MYEF2: variants seen among roughly 807,000 people sequenced by gnomAD.
The protein encoded by MYEF2 is myelin expression factor 2.
In MYEF2, 37 loss-of-function variants were observed where a neutral mutation model predicts 75.2. That is an observed-to-expected ratio of 0.49 (90% CI 0.38 to 0.65). The LOEUF is 0.65. MYEF2 is among the 30% of genes least tolerant of loss of function. MYEF2 has a pLI of 0.00. For missense variants in MYEF2, 634 were observed against 771.4 expected, an observed-to-expected ratio of 0.82 and a Z score of 2.11; for synonymous variants, 195 against 241.6, an observed-to-expected ratio of 0.81 and a Z score of 1.79.
At chr15:48,158,281 C>G (rs1437711296) in intron 7 of MYEF2, 57 bp from the exon 8 acceptor site, 1 of 1,504,222 alleles carries the variant, frequency 6.6e-7, no homozygotes, top group Non-Finnish European at 9.2e-7. Context: ...TAACAGAACA[C>G]AAACTAATTT....
intron 1 of MYEF2, among the ~76,000 whole-genome samples, chr15:48,177,223 A>G (rs932013942): frequency 1.3e-5 from 2 of 152,198 alleles, no homozygotes; most frequent in Admixed American, 6.5e-5. Flanking sequence ...CAGGACAGGA[A>G]CAAAGGAGAG....
intron 1 of MYEF2, among the ~76,000 whole-genome samples, chr15:48,177,725 A>T (rs569250572): frequency 7.2e-5 from 11 of 152,292 alleles, no homozygotes; most frequent in African/African-American, 2.6e-4. Flanking sequence ...ACTGGTCCTT[A>T]AAGGGGGACC....
intron 1 of MYEF2, among the ~76,000 whole-genome samples, chr15:48,173,059 A>G (rs1252123820): frequency 6.6e-6 from 1 of 152,212 alleles, no homozygotes; most frequent in Non-Finnish European, 1.5e-5. Flanking sequence ...AGAAAATTAC[A>G]GCAATATCCC....
Position 48,167,384 on chromosome 15 carries a change from C to G in MYEF2, c.388G>C (p.Val130Leu), listed in dbSNP as rs138734621. ...CCTTCCGCATCCTTAAAGAGCTCCA[C>G]GTATGTAACCTCACCAACTACATAA... ...MREKVGEVTY[V>L]ELFKDAEGKS... Residue 130 changes from valine (V) to leucine (L), a missense_variant, in exon 3 of 17, where the codon GTG becomes CTG. Val to Leu is a conservative substitution (Grantham distance 32). Coordinates refer to ENST00000324324, the MANE Select transcript of MYEF2 (RefSeq NM_016132.5). 2.5e-6 allele frequency: 4 copies of G among 1,612,908 alleles called. No individual in the cohort carries two copies. The highest frequency in any genetic ancestry group is 3.4e-6 in the Non-Finnish European group (4 of 1,179,128).
Position 48,141,944 on chromosome 15 carries a change from T to C in MYEF2, c.*964A>G. On this transcript the variant is annotated 3_prime_UTR_variant, in exon 17 of 17. Coordinates refer to ENST00000324324, the MANE Select transcript of MYEF2 (RefSeq NM_016132.5). ...TCAAAACGAATCAACAACAAAAAAG[T>C]ATCCAGTGTTTCTTTTCTTATGAAG... 1 of 998,610 alleles carries C rather than the reference T, an allele frequency of 1.0e-6. No homozygotes were observed. The highest frequency in any genetic ancestry group is 1.4e-6 in the Non-Finnish European group (1 of 706,038). The allele number at this position is 998,610 out of a possible 1,614,324, so 61.9% of individuals were successfully genotyped here. A position where few individuals can be genotyped will look rare whatever the true frequency, so the allele number is the denominator to read the frequency against.
chr15:48,170,556 T>A (rs1272560113), intron 1 of MYEF2, among the ~76,000 whole-genome samples: 3 of 152,096 alleles, frequency 2.0e-5, no homozygotes, highest in African/African-American at 7.2e-5. Context: ...GGAATCTAAA[T>A]TTTTTTTAAA....
chr15:48,158,005 G>T lies in MYEF2; in HGVS notation c.973C>A (p.Pro325Thr), dbSNP rs2039768358. The T allele has an allele frequency of 6.2e-7, 1 of 1,612,858 alleles. No homozygotes were observed. Among genetic ancestry groups the T allele is most frequent in the African/African-American group, 1.3e-5 (1 of 74,844 alleles). Reference sequence around the variant, plus strand: ...AGCTTTTACTTACGTGGTAATTGTGGTGTTTTACCATCATGTGAACGGTAC... The same window carrying T: ...AGCTTTTACTTACGTGGTAATTGTGTTGTTTTACCATCATGTGAACGGTAC... ...EEYRSHDGKT[P>T]QLPRGLGGIG... Residue 325 changes from proline (P) to threonine (T), a missense_variant, in exon 9 of 17, where the codon CCA (proline) becomes ACA (threonine). Pro to Thr is a conservative substitution (Grantham distance 38). Transcript: ENST00000324324.
At position 48,142,915 on chromosome 15, in the gene MYEF2, T is replaced by A. The variant is rs778466647; in HGVS notation, c.1796A>T (p.Asn599Ile). The A allele has an allele frequency of 6.3e-7, 1 of 1,591,482 alleles. No homozygotes were observed. The change falls in exon 17 of 17, where the codon AAT (asparagine) becomes ATT (isoleucine). Residue 599 changes from asparagine to isoleucine, a missense_variant. Physicochemically the swap from Asn to Ile is moderately radical, Grantham distance 149. Transcript: ENST00000324324. Reference protein sequence around the residue: ...GREIDVRLDRNA With the variant: ...GREIDVRLDRIA Reference sequence around the variant, plus strand: ...TCCAACCATGGCTTGAAATTATGCATTACGATCCAAGCGAACATCAATTTC... The same window carrying A: ...TCCAACCATGGCTTGAAATTATGCAATACGATCCAAGCGAACATCAATTTC...
chr15:48,137,032 T>G lies in MYEF2; in HGVS notation c.*5876A>C. The G allele has an allele frequency of 1.1e-5, 16 of 1,471,846 alleles. No individual in the cohort carries two copies. Among genetic ancestry groups the G allele is most frequent in the Non-Finnish European group, 1.5e-5 (16 of 1,094,782 alleles). The allele number at this position is 1,471,846 out of a possible 1,614,324, so 91.2% of individuals were successfully genotyped here. A position where few individuals can be genotyped will look rare whatever the true frequency, so the allele number is the denominator to read the frequency against. On this transcript the variant is annotated 3_prime_UTR_variant, in exon 17 of 17. Transcript: ENST00000324324. ...AAAAACTTTAAAATTTCATTTCAAT[T>G]CAGCAAGTATTGTGTGCTTTTTATG...
intron 14 of MYEF2, among the ~76,000 whole-genome samples, chr15:48,150,573 G>T (rs2039454443): frequency 6.6e-6 from 1 of 151,994 alleles, no homozygotes; most frequent in Non-Finnish European, 1.5e-5. Context: ...GGGAGATTCA[G>T]CATTCCCCAG....
chr15:48,147,289 C>A (rs2039320473), intron 16 of MYEF2, among the ~76,000 whole-genome samples: 1 of 151,938 alleles, frequency 6.6e-6, no homozygotes, highest in Admixed American at 6.6e-5. Flanking sequence ...TTGCTCATAT[C>A]TAACCTCAAA....
chr15:48,139,235 A>G lies in MYEF2; in HGVS notation c.*3673T>C. The stretch of plus-strand genomic sequence containing the variant: ...ATATTCATATAAGAACAAATTGCAT[A>G]TGTTCACTCAAAGTAGTCTAGCTAC... On this transcript the variant is annotated 3_prime_UTR_variant, in exon 17 of 17. Transcript: ENST00000324324. The G allele has an allele frequency of 1.4e-6, 2 of 1,397,232 alleles. No homozygotes were observed. 86.6% of individuals were successfully genotyped at this position (1,397,232 alleles called of 1,614,324 possible).
chr15:48,152,383 C>A (rs542408060), intron 10 of MYEF2, 99 bp from the exon 11 acceptor site: 2 of 1,004,228 alleles, frequency 2.0e-6, no homozygotes, highest in East Asian at 2.4e-5. Context: ...ACTGGTATAA[C>A]CACAATGAAA....
At chr15:48,146,126 T>C (rs1401680335) in intron 16 of MYEF2, among the ~76,000 whole-genome samples, 2 of 151,952 alleles carry the variant, frequency 1.3e-5, no homozygotes, top group African/African-American at 4.8e-5. Flanking sequence ...TCTTGCATCA[T>C]ACTGAGCCAG....
At position 48,140,281 on chromosome 15, in the gene MYEF2, T is replaced by C. The variant is rs930168126; in HGVS notation, c.*2627A>G. 3 of 151,812 alleles carry C rather than the reference T, an allele frequency of 2.0e-5. No individual in the cohort carries two copies. Among genetic ancestry groups the C allele is most frequent in the Non-Finnish European group, 4.4e-5 (3 of 67,932 alleles). The allele number at this position is 151,812 out of a possible 1,614,324, so 9.4% of individuals were successfully genotyped here. A position where few individuals can be genotyped will look rare whatever the true frequency, so the allele number is the denominator to read the frequency against. On this transcript the variant is annotated 3_prime_UTR_variant, in exon 17 of 17. Transcript: ENST00000324324. ...CACATATGAATTCTAGCAAAGCCAG[T>C]AACAGAAATTAACAACCAATTCCAA...
rs1313086312 is a variant in MYEF2, at chr15:48,135,100, T to C, written c.*7808A>G. The stretch of plus-strand genomic sequence containing the variant: ...CACTTAATCTGCCACTTCTATACCA[T>C]ATTCCAACAGGTCTGTGAGTTAACC... On this transcript the variant is annotated 3_prime_UTR_variant, in exon 17 of 17. Coordinates refer to ENST00000324324, the MANE Select transcript of MYEF2 (RefSeq NM_016132.5). The C allele has an allele frequency of 5.6e-6, 4 of 710,920 alleles. No homozygotes were observed. In the East Asian group the frequency reaches 1.1e-4, roughly 20 times the overall value. 44.0% of individuals were successfully genotyped at this position (710,920 alleles called of 1,614,324 possible).
In MYEF2 at chr15:48,178,287, C is replaced by T. The variant is rs1214061774; in HGVS notation, c.-50G>A. On this transcript the variant is annotated 5_prime_UTR_variant, in exon 1 of 17. Transcript: ENST00000324324. ...GCCGCCTGAGCTGAGGGGCTCCGAG[C>T]GCGACAATGGCGGCTGCCGGGGAAG... The T allele has an allele frequency of 2.9e-6, 4 of 1,356,820 alleles. No homozygotes were observed. The highest frequency in any genetic ancestry group is 3.8e-6 in the Non-Finnish European group (4 of 1,058,750). The allele number at this position is 1,356,820 out of a possible 1,614,324, so 84.0% of individuals were successfully genotyped here. A position where few individuals can be genotyped will look rare whatever the true frequency, so the allele number is the denominator to read the frequency against.
At chr15:48,162,353 AC>A (rs1416870148) in intron 5 of MYEF2, among the ~76,000 whole-genome samples, 1 of 152,168 alleles carries the variant, frequency 6.6e-6, no homozygotes, top group Non-Finnish European at 1.5e-5. Flanking sequence ...TAAATGGTTT[AC>A]ATATATTAAC....
Position 48,178,284 on chromosome 15 carries a change from G to A in MYEF2, c.-47C>T. 1.5e-6 allele frequency: 2 copies of A among 1,359,378 alleles called. No individual in the cohort carries two copies. Among genetic ancestry groups the A allele is most frequent in the South Asian group, 1.9e-5 (1 of 51,794 alleles). The allele number at this position is 1,359,378 out of a possible 1,614,324, so 84.2% of individuals were successfully genotyped here. ...TCGGCCGCCTGAGCTGAGGGGCTCC[G>A]AGCGCGACAATGGCGGCTGCCGGGG... On this transcript the variant is annotated 5_prime_UTR_variant, in exon 1 of 17. Transcript: ENST00000324324.
Sources: allele counts gnomAD v4.1 joint callset (sites outside exome capture counted in the v4.1 genomes callset), GRCh38; gene constraint gnomAD v4.1.1; transcripts MANE v1.5; gene names NCBI Gene and HGNC (gene_info 2026-07-23, HGNC 2026-07-21).